The following FAM20A variants were observed in gnomAD, a reference collection of about 807,000 sequenced individuals.
The protein encoded by FAM20A is FAM20A golgi associated secretory pathway pseudokinase.
In FAM20A, 42 loss-of-function variants were observed where a neutral mutation model predicts 52.0. The ratio of observed to expected loss-of-function variants is 0.81; its 90% CI spans 0.63 to 1.04. FAM20A has a LOEUF of 1.04. FAM20A is among the 50% of genes least tolerant of loss of function. The pLI, the probability that FAM20A is intolerant of heterozygous loss-of-function variation, is 0.00. For missense variants in FAM20A, 742 were observed against 712.7 expected, an observed-to-expected ratio of 1.04 and a Z score of -0.47; for synonymous variants, 304 against 298.9, an observed-to-expected ratio of 1.02 and a Z score of -0.18.
chr17:68,541,240 G>C (rs1263824160), intron 7 of FAM20A: 1 of 437,798 alleles, frequency 2.3e-6, no homozygotes, highest in African/African-American at 2.0e-5. Context: ...AAAGGAGGAG[G>C]TAGTGACCCT....
chr17:68,571,791 C>A (rs995219757), intron 1 of FAM20A, among the ~76,000 whole-genome samples: 4 of 151,560 alleles, frequency 2.6e-5, no homozygotes, highest in Admixed American at 2.0e-4. Context: ...GAAGCTAATA[C>A]AATTTGGAGG....
In FAM20A at chr17:68,600,432, C is replaced by T; in HGVS notation, c.235G>A (p.Glu79Lys). 6.2e-7 allele frequency: 1 copy of T among 1,611,394 alleles called. No homozygotes were observed. Among genetic ancestry groups the T allele is most frequent in the Non-Finnish European group, 8.5e-7 (1 of 1,179,082 alleles). Residue 79 changes from glutamate to lysine, a missense_variant, in exon 1 of 11, where the codon GAA becomes AAA. Coordinates refer to ENST00000592554, the MANE Select transcript of FAM20A (RefSeq NM_017565.4). The surrounding 1 kb of genome is among the most constrained non-coding windows in gnomAD (Gnocchi z 6.2). ...CCGCTGTGGCTGCCGCCAGCCGGTT[C>T]AGTCCGGGGCTCGGTTCGGGAAAAG... ...HNFSRTEPRTEPAGGSHSGSS... is the reference protein window; with the variant it reads ...HNFSRTEPRTKPAGGSHSGSS...
intron 1 of FAM20A, among the ~76,000 whole-genome samples, chr17:68,595,693 G>A (rs1478948099): frequency 6.6e-6 from 1 of 152,022 alleles, no homozygotes; most frequent in Non-Finnish European, 1.5e-5. Context: ...GTTGACTCTG[G>A]GAGAGAAGCA....
rs1442624946 is a variant in FAM20A, at chr17:68,600,632, A to G, written c.35T>C (p.Leu12Pro). The change falls in exon 1 of 11, where the codon CTG becomes CCG. Residue 12 changes from leucine to proline, a missense_variant. Transcript: ENST00000592554. This position sits in a 1 kb window ranked among gnomAD's most constrained non-coding sequence, Gnocchi z 6.2. ...GGAGAGCAGCGCGCCCAGCAGCAGC[A>G]GAGTCAGTAGGCGGTCCCGGCGCAG... The part of the protein sequence containing the change: ...PGLRRDRLLT[L>P]LLLGALLSAD... 1.2e-5 allele frequency: 18 copies of G among 1,559,570 alleles called. No homozygotes were observed. The highest frequency in any genetic ancestry group is 1.6e-5 in the Non-Finnish European group (18 of 1,158,320).
intron 10 of FAM20A, among the ~76,000 whole-genome samples, chr17:68,538,272 T>C: frequency 6.6e-6 from 1 of 152,246 alleles, no homozygotes. Flanking sequence ...TGACTTGGAC[T>C]CTGATGTGTA....
rs773393989 is a variant in FAM20A at position 68,576,654 on chromosome 17, T to C, written c.405-20911A>G. Among the ~76,000 whole-genome samples, 3 of 152,352 alleles carry C rather than the reference T, an allele frequency of 2.0e-5. No individual in the cohort carries two copies. In the South Asian group the frequency reaches 6.2e-4, roughly 32 times the overall value. On this transcript the variant is annotated intron_variant, in intron 1 of 10. Transcript: ENST00000592554. ...CTTTCAGACACTTAGTGGTGGGTACTACAGAAAACGTTAGTTACATGTAGT... is the reference window on the plus strand; with the variant it reads ...CTTTCAGACACTTAGTGGTGGGTACCACAGAAAACGTTAGTTACATGTAGT...
At chr17:68,596,126 G>A (rs2088445515) in intron 1 of FAM20A, among the ~76,000 whole-genome samples, 1 of 151,982 alleles carries the variant, frequency 6.6e-6, no homozygotes, top group Non-Finnish European at 1.5e-5. Flanking sequence ...GAGAGACCCA[G>A]GACTAGGTTT....
At chr17:68,586,933 C>A (rs2088177957) in intron 1 of FAM20A, among the ~76,000 whole-genome samples, 1 of 152,014 alleles carries the variant, frequency 6.6e-6, no homozygotes, top group Admixed American at 6.6e-5. Flanking sequence ...ATTCTGTCAT[C>A]CAGGCTGGAA....
chr17:68,598,551 C>A (rs1219602086), intron 1 of FAM20A, among the ~76,000 whole-genome samples: 1 of 152,148 alleles, frequency 6.6e-6, no homozygotes, highest in Non-Finnish European at 1.5e-5. Context: ...TCACCAGCCC[C>A]CACTTGATCT....
At chr17:68,544,062 A>AG (rs2086436178) in intron 4 of FAM20A, among the ~76,000 whole-genome samples, 1 of 152,190 alleles carries the variant, frequency 6.6e-6, no homozygotes, top group Admixed American at 6.5e-5. Flanking sequence ...TAAACAGAAG[A>AG]GAGGGGAATG....
At chr17:68,550,521 C>T (rs1023734397) in intron 4 of FAM20A, among the ~76,000 whole-genome samples, 1 of 151,950 alleles carries the variant, frequency 6.6e-6, no homozygotes, top group Non-Finnish European at 1.5e-5. Context: ...GCTGGGACTG[C>T]ATACACGCAC....
intron 3 of FAM20A, among the ~76,000 whole-genome samples, chr17:68,554,053 TAC>T (rs1240844852): frequency 1.6e-5 from 2 of 128,746 alleles, no homozygotes; most frequent in African/African-American, 7.6e-5. Context: ...TATACACATA[TAC>T]ACATATACAC....
rs35871101 is a variant in FAM20A at position 68,542,082 on chromosome 17, C to G, written c.1012G>C (p.Gly338Arg). The change falls in exon 7 of 11, where the codon GGT becomes CGT. Residue 338 changes from glycine (G) to arginine (R), a missense_variant. Coordinates refer to ENST00000592554, the MANE Select transcript of FAM20A (RefSeq NM_017565.4). ...GACGGCAGGAAGGCAGAGAGGGAAC[C>G]CTCCAGCAGGTGTGGGTTGCCACAG... is the stretch of plus-strand genomic sequence containing the variant. ...AVCGNPHLLE[G>R]SLSAFLPSLN... 26 of 1,613,832 alleles carry G rather than the reference C, an allele frequency of 1.6e-5. No individual in the cohort carries two copies. The highest frequency in any genetic ancestry group is 1.9e-5 in the Non-Finnish European group (23 of 1,179,890).
chr17:68,545,006 A>T (rs2086482502), intron 4 of FAM20A, among the ~76,000 whole-genome samples: 1 of 152,240 alleles, frequency 6.6e-6, no homozygotes, highest in African/African-American at 2.4e-5. Flanking sequence ...ATTACATTTT[A>T]AAAATATAAA....
At chr17:68,571,334 C>A (rs556394569) in intron 1 of FAM20A, among the ~76,000 whole-genome samples, 8 of 152,168 alleles carry the variant, frequency 5.3e-5, no homozygotes, top group African/African-American at 1.9e-4. Context: ...GTGCTATGCA[C>A]ACAGTAAATA....
chr17:68,547,578 T>C (rs2086628321), intron 4 of FAM20A, among the ~76,000 whole-genome samples: 1 of 152,248 alleles, frequency 6.6e-6, no homozygotes, highest in African/African-American at 2.4e-5. Flanking sequence ...GGAGATGGCT[T>C]TTTTCCTTAA....
intron 4 of FAM20A, among the ~76,000 whole-genome samples, chr17:68,544,193 A>G (rs998274186): frequency 2.6e-5 from 4 of 152,082 alleles, no homozygotes; most frequent in African/African-American, 9.7e-5. Flanking sequence ...CTGGGGTTGA[A>G]GAACAGAAAA....
chr17:68,539,366 G>A lies in FAM20A; in HGVS notation c.1332C>T (p.Ser444=). The change falls in exon 10 of 11, where the codon TCC becomes TCT. Residue 444 remains serine, a synonymous_variant. Coordinates refer to ENST00000592554, the MANE Select transcript of FAM20A (RefSeq NM_017565.4). Reference sequence around the variant, plus strand: ...AGCACTGGGAGAGAGGCGAGAGGATGGAGATTTCATCATGGGAGTGTCGTC... The same window carrying A: ...AGCACTGGGAGAGAGGCGAGAGGATAGAGATTTCATCATGGGAGTGTCGTC... ...GFGRHSHDEI[S]ILSPLSQCCM... 2 of 1,614,218 alleles carry A rather than the reference G, an allele frequency of 1.2e-6. No homozygotes were observed. The highest frequency in any genetic ancestry group is 1.7e-6 in the Non-Finnish European group (2 of 1,180,034).
rs368866110 is a variant in FAM20A at position 68,585,421 on chromosome 17, T to G, written c.404+14842A>C. 1.8e-3 allele frequency among the ~76,000 whole-genome samples: 273 copies of G among 151,652 alleles called. 2 individuals carry two copies. Among genetic ancestry groups the G allele is most frequent in the South Asian group, 6.3e-3 (30 of 4,762 alleles). On this transcript the variant is annotated intron_variant, in intron 1 of 10. Coordinates refer to ENST00000592554, the MANE Select transcript of FAM20A (RefSeq NM_017565.4). ...TCATCCGTGCAAACACATTCTTTTT[T>G]GTTTTTCCACCAATACCATGGCTTT...
Sources: gnomAD v4.1 joint callset for allele counts (sites outside exome capture counted in the v4.1 genomes callset) on GRCh38, gnomAD v4.1.1 for gene constraint, Gnocchi (gnomAD v3.1) non-coding constraint, MANE v1.5 for transcripts, NCBI Gene and HGNC (gene_info 2026-07-23, HGNC 2026-07-21) for gene names.